Variants in SLC24A2 observed in about 807,000 individuals in gnomAD.
The protein encoded by SLC24A2 is sodium/potassium/calcium exchanger 2.
A neutral mutation model predicts 62.0 loss-of-function variants in SLC24A2; 36 were observed. The ratio of observed to expected loss-of-function variants is 0.58; its 90% CI spans 0.44 to 0.77. SLC24A2 has a LOEUF of 0.77. SLC24A2 is among the 30% of genes least tolerant of loss of function. The probability of loss-of-function intolerance (pLI) is 0.00; values close to 1 mark genes in which losing one functional copy is unlikely to be tolerated. For missense variants in SLC24A2, 846 were observed against 817.9 expected (o/e 1.03, Z -0.42); for synonymous variants, 358 against 294.0 (o/e 1.22, Z -2.23).
At chr9:20,017,091 T>C in the SLC24A2 span, among the ~76,000 whole-genome samples, 1 of 152,180 alleles carries the variant, frequency 6.6e-6, no homozygotes, top group Non-Finnish European at 1.5e-5. Flanking sequence ...GGCATGATCT[T>C]GGCTCACTGC....
At chr9:19,547,179 AC>A (rs1351068054) in intron 8 of SLC24A2, among the ~76,000 whole-genome samples, 3 of 152,186 alleles carry the variant, frequency 2.0e-5, no homozygotes, top group African/African-American at 7.2e-5. Context: ...GTTGAAAAAA[AC>A]CAAAGTGTTC....
chr9:20,168,722 G>A, the SLC24A2 span, among the ~76,000 whole-genome samples: 1 of 152,006 alleles, frequency 6.6e-6, no homozygotes, highest in African/African-American at 2.4e-5. Context: ...TGGCAAGAAT[G>A]TAGAGGAATT....
At chr9:19,817,624 T>A in the SLC24A2 span, among the ~76,000 whole-genome samples, 1 of 152,144 alleles carries the variant, frequency 6.6e-6, no homozygotes, top group South Asian at 2.1e-4. Flanking sequence ...TTGCCTCTTC[T>A]ACATTATAGC....
At chr9:20,279,925 A>T in the SLC24A2 span, among the ~76,000 whole-genome samples, 1 of 152,210 alleles carries the variant, frequency 6.6e-6, no homozygotes, top group East Asian at 1.9e-4. Context: ...ATTTGTCAGT[A>T]AAACCACTGA....
chr9:19,560,752 T>C (rs1034042137), intron 7 of SLC24A2, among the ~76,000 whole-genome samples: 3 of 152,216 alleles, frequency 2.0e-5, no homozygotes, highest in East Asian at 1.9e-4. Flanking sequence ...ATAGATCTTT[T>C]TGCTTTGAAA....
the SLC24A2 span, among the ~76,000 whole-genome samples, chr9:19,964,098 A>C: frequency 4.0e-5 from 6 of 151,712 alleles, no homozygotes; most frequent in East Asian, 1.2e-3. Context: ...AAATCATCAT[A>C]CTCAGTAAAC....
At chr9:20,080,954 C>T in the SLC24A2 span, among the ~76,000 whole-genome samples, 1 of 152,058 alleles carries the variant, frequency 6.6e-6, no homozygotes, top group East Asian at 1.9e-4. Flanking sequence ...GTTAGAATGG[C>T]AATCATTAAA....
the SLC24A2 span, among the ~76,000 whole-genome samples, chr9:19,990,622 A>ACAAAAAAC: frequency 6.9e-6 from 1 of 144,370 alleles, no homozygotes. Flanking sequence ...AAAACAAAAA[A>ACAAAAAAC]AAAAAAACAA....
intron 7 of SLC24A2, among the ~76,000 whole-genome samples, chr9:19,563,618 G>T (rs1290456353): frequency 1.3e-5 from 2 of 152,136 alleles, no homozygotes; most frequent in Admixed American, 1.3e-4. Flanking sequence ...TAAAATCATA[G>T]CTGCAACTTT....
chr9:20,064,298 G>T, the SLC24A2 span, among the ~76,000 whole-genome samples: 1 of 152,154 alleles, frequency 6.6e-6, no homozygotes, highest in Non-Finnish European at 1.5e-5. Context: ...GTAGATCAAT[G>T]GTTGCTGGGG....
chr9:19,733,081 TC>T (rs982932629), intron 2 of SLC24A2, among the ~76,000 whole-genome samples: 8 of 91,222 alleles, frequency 8.8e-5, no homozygotes, highest in African/African-American at 3.7e-4. Context: ...AAGATGTGAC[TC>T]TTTTTTTTTT....
chr9:19,758,494 G>A lies in SLC24A2; in HGVS notation c.930+27443C>T, dbSNP rs144774243. On this transcript the variant is annotated intron_variant, in intron 2 of 10. Transcript: ENST00000341998. ...ATTAGGACTATTCTACACAAATTCT[G>A]AACTTTCCTTATTTATTTTCAGTAG... Among the ~76,000 whole-genome samples the A allele has an allele frequency of 5.9e-3, 903 of 152,224 alleles. 8 individuals are homozygous for A. Among genetic ancestry groups the A allele is most frequent in the African/African-American group, 0.021 (868 of 41,538 alleles).
At chr9:20,047,828 G>GTC in the SLC24A2 span, among the ~76,000 whole-genome samples, 24 of 151,640 alleles carry the variant, frequency 1.6e-4, no homozygotes, top group African/African-American at 5.6e-4. Flanking sequence ...ATGAGTTTTG[G>GTC]GGAGACACAA....
chr9:20,106,658 C>A, the SLC24A2 span, among the ~76,000 whole-genome samples: 1 of 152,028 alleles, frequency 6.6e-6, no homozygotes, highest in Non-Finnish European at 1.5e-5. Flanking sequence ...ACCCTTCATG[C>A]TAAAAACTCT....
chr9:19,624,118 C>T (rs1817975196), intron 2 of SLC24A2, among the ~76,000 whole-genome samples: 1 of 152,210 alleles, frequency 6.6e-6, no homozygotes, highest in Non-Finnish European at 1.5e-5. Flanking sequence ...CCTTCCACAT[C>T]AGACAGCTCA....
the SLC24A2 span, among the ~76,000 whole-genome samples, chr9:20,207,468 T>G: frequency 6.6e-6 from 1 of 152,216 alleles, no homozygotes; most frequent in Non-Finnish European, 1.5e-5. Flanking sequence ...ACCTTTAAGA[T>G]TAAAATTAGG....
rs952852288 is a variant in SLC24A2 at position 19,541,620 on chromosome 9, A to G, written c.1479+8517T>C. On this transcript the variant is annotated intron_variant, in intron 8 of 10. Transcript: ENST00000341998. ...ACTGCTCTCTTCAAAGCTGTCAGAC[A>G]GGGACACTTAAGTCTGCAGAGGTTA... 6.1e-5 allele frequency among the ~76,000 whole-genome samples: 9 copies of G among 147,906 alleles called. No homozygotes were observed. In the East Asian group the frequency reaches 1.4e-3, roughly 23 times the overall value.
chr9:20,243,918 T>C, the SLC24A2 span, among the ~76,000 whole-genome samples: 1 of 152,026 alleles, frequency 6.6e-6, no homozygotes, highest in Admixed American at 6.6e-5. Context: ...TTTGTTTTAT[T>C]GGTGGATAGA....
chr9:20,007,313 G>C, the SLC24A2 span, among the ~76,000 whole-genome samples: 2 of 152,240 alleles, frequency 1.3e-5, no homozygotes, highest in African/African-American at 4.8e-5. Context: ...TGCTGGTAAT[G>C]CTGGGTTGAA....
Sources: gnomAD v4.1 joint callset for allele counts (sites outside exome capture counted in the v4.1 genomes callset) on GRCh38, gnomAD v4.1.1 for gene constraint, MANE v1.5 for transcripts, NCBI Gene and HGNC (gene_info 2026-07-23, HGNC 2026-07-21) for gene names.